The following PUS7 variants were observed in gnomAD, a reference collection of about 807,000 sequenced individuals.
The protein encoded by PUS7 is pseudouridylate synthase 7 homolog.
In PUS7, 48 loss-of-function variants were observed where a neutral mutation model predicts 79.8. That is an observed-to-expected ratio of 0.60 (90% CI 0.48 to 0.76). The LOEUF (loss-of-function observed/expected upper bound fraction) is 0.76. Ranked by LOEUF, PUS7 falls within the 30% of genes least tolerant of loss-of-function variation. The pLI is 0.00. For missense variants in PUS7, 729 were observed against 797.6 expected, an observed-to-expected ratio of 0.91 and a Z score of 1.04; for synonymous variants, 286 against 272.2, an observed-to-expected ratio of 1.05 and a Z score of -0.50.
chr7:105,494,989 AAAAG>A (rs1554348283), intron 6 of PUS7, among the ~76,000 whole-genome samples, 149 bp downstream of exon 6: 214 of 149,788 alleles, frequency 1.4e-3, no homozygotes, highest in Non-Finnish European at 1.8e-3. Context: ...AAAAAAAAAA[AAAAG>A]AAAGAAAGAA....
At chr7:105,492,214 G>A (rs1210861304) in intron 6 of PUS7, among the ~76,000 whole-genome samples, 4 of 152,026 alleles carry the variant, frequency 2.6e-5, no homozygotes, top group Non-Finnish European at 2.9e-5. Flanking sequence ...GCTACAGTGC[G>A]CTATGATGGT....
chr7:105,459,578 T>TA (rs1293290150), intron 14 of PUS7, among the ~76,000 whole-genome samples: 3 of 151,452 alleles, frequency 2.0e-5, no homozygotes, highest in Non-Finnish European at 2.9e-5. Flanking sequence ...GCTGGGACTA[T>TA]AGGTGTCTGC....
At chr7:105,514,963 T>G (rs1438501871) in intron 1 of PUS7, among the ~76,000 whole-genome samples, 1 of 152,028 alleles carries the variant, frequency 6.6e-6, no homozygotes, top group Non-Finnish European at 1.5e-5. Context: ...CCTAGCTAAT[T>G]TTTTGTATTT....
intron 7 of PUS7, among the ~76,000 whole-genome samples, chr7:105,489,147 CAAAAAAAAAAA>C (rs762504334): frequency 3.0e-5 from 1 of 33,710 alleles, no homozygotes; most frequent in Non-Finnish European, 6.5e-5. Flanking sequence ...AACTCCATCT[CAAAAAAAAAAA>C]AAAAAAAAAA....
chr7:105,507,822 G>A (rs560366003), intron 2 of PUS7, among the ~76,000 whole-genome samples: 9 of 152,290 alleles, frequency 5.9e-5, no homozygotes, highest in Admixed American at 5.2e-4. Context: ...GATAACAGGC[G>A]TAAGCCACTG....
At chr7:105,465,090 A>T (rs1047341213) in intron 13 of PUS7, among the ~76,000 whole-genome samples, 1 of 152,104 alleles carries the variant, frequency 6.6e-6, no homozygotes. Flanking sequence ...AAATGTTGGG[A>T]TTGATTATAG....
intron 1 of PUS7, among the ~76,000 whole-genome samples, chr7:105,509,352 C>T (rs1479811593): frequency 1.3e-5 from 2 of 152,144 alleles, no homozygotes; most frequent in Admixed American, 6.6e-5. Flanking sequence ...TTCCGCACAT[C>T]ATCACAAGCC....
intron 1 of PUS7, among the ~76,000 whole-genome samples, chr7:105,516,547 G>C (rs536721661): frequency 6.6e-6 from 1 of 151,778 alleles, no homozygotes; most frequent in East Asian, 1.9e-4. Context: ...TCCACCTCCC[G>C]GGTTCAAGTG....
chr7:105,501,751 CA>C (rs1825257199), intron 5 of PUS7, among the ~76,000 whole-genome samples: 1 of 151,858 alleles, frequency 6.6e-6, no homozygotes, highest in Non-Finnish European at 1.5e-5. Context: ...GTCAGGAGAT[CA>C]AGACCATCCT....
chr7:105,515,038 C>T (rs1313808808), intron 1 of PUS7, among the ~76,000 whole-genome samples: 1 of 152,150 alleles, frequency 6.6e-6, no homozygotes, highest in East Asian at 1.9e-4. Context: ...TCGTGATCTG[C>T]CCGCCTTGGC....
intron 5 of PUS7, among the ~76,000 whole-genome samples, chr7:105,498,385 T>G (rs915442085): frequency 6.6e-6 from 1 of 152,228 alleles, no homozygotes; most frequent in African/African-American, 2.4e-5. Flanking sequence ...CAGACATTTT[T>G]GAGACACTGA....
intron 9 of PUS7, among the ~76,000 whole-genome samples, chr7:105,479,715 G>C (rs545538939): frequency 1.3e-5 from 2 of 152,096 alleles, no homozygotes; most frequent in Non-Finnish European, 1.5e-5. Context: ...TGAGGGAAGG[G>C]GCCCAGGCAC....
chr7:105,457,955 A>G, intron 15 of PUS7, 29 bp from the exon 16 acceptor site: 1 of 1,609,542 alleles, frequency 6.2e-7, no homozygotes, highest in African/African-American at 1.3e-5. Context: ...AACAGTCAGA[A>G]AATGAAGGCA....
chr7:105,480,754 C>A lies in PUS7; in HGVS notation c.1175+298G>T, dbSNP rs529534291. On this transcript the variant is annotated intron_variant, in intron 9 of 15. Transcript: ENST00000469408. ...TTGCGCTATTGCACTCCAGCCTGGGCAACAAGGGCGAAACTCTGTCTCAGA... is the reference window on the plus strand; with the variant it reads ...TTGCGCTATTGCACTCCAGCCTGGGAAACAAGGGCGAAACTCTGTCTCAGA... 5.2e-4 allele frequency among the ~76,000 whole-genome samples: 79 copies of A among 151,924 alleles called. 1 individual carries two copies. The South Asian group carries it at 0.016, about 31-fold the overall frequency.
intron 5 of PUS7, among the ~76,000 whole-genome samples, chr7:105,495,862 A>G (rs1457163228): frequency 6.6e-6 from 1 of 152,200 alleles, no homozygotes; most frequent in Non-Finnish European, 1.5e-5. Flanking sequence ...ATCCTGTGTT[A>G]AACAATGTAA....
intron 7 of PUS7, among the ~76,000 whole-genome samples, chr7:105,483,569 G>A (rs925880506): frequency 2.0e-5 from 3 of 152,146 alleles, no homozygotes; most frequent in African/African-American, 7.2e-5. Flanking sequence ...ACAGTGCTGC[G>A]ATTACAGGCG....
At chr7:105,501,938 G>C (rs1381066808) in intron 5 of PUS7, among the ~76,000 whole-genome samples, 1 of 129,452 alleles carries the variant, frequency 7.7e-6, no homozygotes. Flanking sequence ...CTGGGCGACA[G>C]GGCGAGACTC....
intron 6 of PUS7, 25 bp downstream of exon 6, chr7:105,495,117 T>TTATGCCTATACAA: frequency 7.4e-7 from 1 of 1,347,720 alleles, no homozygotes; most frequent in Non-Finnish European, 1.0e-6. Context: ...TTTGATTTTG[T>TTATGCCTATACAA]ATAGGCATAA....
intron 12 of PUS7, 106 bp downstream of exon 12, chr7:105,468,231 C>A: frequency 1.4e-6 from 2 of 1,462,690 alleles, no homozygotes; most frequent in Non-Finnish European, 1.8e-6. Flanking sequence ...CCGTGCCTCA[C>A]CACATCTCTC....
Sources: allele counts gnomAD v4.1 joint callset (sites outside exome capture counted in the v4.1 genomes callset), GRCh38; gene constraint gnomAD v4.1.1; transcripts MANE v1.5; gene names NCBI Gene and HGNC (gene_info 2026-07-23, HGNC 2026-07-21).